PALLD: variants seen among roughly 807,000 people sequenced by gnomAD.
PALLD encodes the protein palladin, cytoskeletal associated protein.
In PALLD, 61 loss-of-function variants were observed where a neutral mutation model predicts 123.5. The ratio of observed to expected loss-of-function variants is 0.49; its 90% CI spans 0.40 to 0.61. The LOEUF is 0.61. Ranked by LOEUF, PALLD falls within the 20% of genes least tolerant of loss-of-function variation. The pLI is 0.00. For missense variants in PALLD, 1,273 were observed against 1,377.0 expected, an observed-to-expected ratio of 0.92 and a Z score of 1.20; for synonymous variants, 465 against 496.4, an observed-to-expected ratio of 0.94 and a Z score of 0.84.
At chr4:168,924,869 A>G in intron 19 of PALLD, 76 bp from the exon 20 acceptor site, 1 of 1,407,560 alleles carries the variant, frequency 7.1e-7, no homozygotes, top group East Asian at 2.3e-5. Flanking sequence ...CTAATGATCT[A>G]ATTAAAAATG....
chr4:168,876,727 T>C (rs1444992145), intron 10 of PALLD, among the ~76,000 whole-genome samples: 1 of 152,204 alleles, frequency 6.6e-6, no homozygotes, highest in Non-Finnish European at 1.5e-5. Context: ...GATAAGAAAG[T>C]TTTGGGGTCT....
At chr4:168,888,162 A>C (rs1753634050) in intron 10 of PALLD, among the ~76,000 whole-genome samples, 1 of 152,212 alleles carries the variant, frequency 6.6e-6, no homozygotes, top group African/African-American at 2.4e-5. Flanking sequence ...TAGAAATTGA[A>C]GTTATAAATA....
chr4:168,877,860 C>A, intron 10 of PALLD: 2 of 1,403,968 alleles, frequency 1.4e-6, no homozygotes, highest in East Asian at 3.2e-5. Flanking sequence ...CCCGAGCTCG[C>A]GGCCTGCACG....
intron 2 of PALLD, chr4:168,537,923 T>C (rs925178280): frequency 3.3e-5 from 5 of 152,236 alleles, no homozygotes; most frequent in Admixed American, 3.3e-4. Flanking sequence ...TATGGCCACA[T>C]TCATGTTTAA....
At chr4:168,679,859 A>T (rs1279384999) in intron 3 of PALLD, among the ~76,000 whole-genome samples, 2 of 152,052 alleles carry the variant, frequency 1.3e-5, no homozygotes, top group Non-Finnish European at 2.9e-5. Context: ...AGGAGATGGG[A>T]AGACAAGAAT....
intron 10 of PALLD, among the ~76,000 whole-genome samples, chr4:168,718,906 T>TG (rs1258934595): frequency 4.4e-5 from 6 of 136,194 alleles, no homozygotes; most frequent in Non-Finnish European, 9.3e-5. Flanking sequence ...GTTGCCAATC[T>TG]AATTTTTTTT....
intron 2 of PALLD, among the ~76,000 whole-genome samples, chr4:168,555,900 G>A (rs772222682): frequency 1.2e-4 from 18 of 152,172 alleles, no homozygotes; most frequent in Non-Finnish European, 2.4e-4. Context: ...TCGATTGCAG[G>A]CTCAGATGCA....
At chr4:168,618,440 C>A (rs75905366) in intron 2 of PALLD, among the ~76,000 whole-genome samples, 1 of 152,080 alleles carries the variant, frequency 6.6e-6, no homozygotes, top group East Asian at 1.9e-4. Context: ...GCTTTGGGCA[C>A]GATCATCTCC....
chr4:168,575,380 G>T (rs1401540521), intron 2 of PALLD, among the ~76,000 whole-genome samples: 2 of 151,948 alleles, frequency 1.3e-5, no homozygotes, highest in Non-Finnish European at 2.9e-5. Flanking sequence ...GAGAGTGTAT[G>T]TAGGAGGATC....
At chr4:168,854,350 A>G (rs1379821289) in intron 10 of PALLD, among the ~76,000 whole-genome samples, 1 of 152,254 alleles carries the variant, frequency 6.6e-6, no homozygotes, top group African/African-American at 2.4e-5. Context: ...TAGGTTTCTT[A>G]GACTGGAATG....
chr4:168,863,386 G>A (rs560569301), intron 10 of PALLD, among the ~76,000 whole-genome samples: 1 of 152,300 alleles, frequency 6.6e-6, no homozygotes, highest in South Asian at 2.1e-4. Context: ...GGAAGAAAAA[G>A]CCCTCTCACT....
At chr4:168,762,844 C>T (rs1733143166) in intron 10 of PALLD, among the ~76,000 whole-genome samples, 1 of 152,182 alleles carries the variant, frequency 6.6e-6, no homozygotes, top group Non-Finnish European at 1.5e-5. Flanking sequence ...ACTATGCAGC[C>T]ATAAGAAAGG....
intron 10 of PALLD, among the ~76,000 whole-genome samples, chr4:168,780,312 C>T (rs183652329): frequency 8.5e-5 from 13 of 152,376 alleles, no homozygotes; most frequent in Admixed American, 8.5e-4. Flanking sequence ...TTCCTACCAA[C>T]CTTTTTTCCC....
rs1352900768 is a variant in PALLD at position 168,709,507 on chromosome 4, CAAGGAAGGAAGGAAGGAAGGAAGG to C, written c.1621+421_1621+444del. Among the ~76,000 whole-genome samples, 14 of 91,564 alleles carry C rather than the reference CAAGGAAGGAAGGAAGGAAGGAAGG, an allele frequency of 1.5e-4. 1 individual carries two copies. Among genetic ancestry groups the C allele is most frequent in the African/African-American group, 4.0e-4 (10 of 24,876 alleles). The allele number at this position is 91,564 out of a possible 152,430, so 60.1% of individuals were successfully genotyped here. A position where few individuals can be genotyped will look rare whatever the true frequency, so the allele number is the denominator to read the frequency against. ...CCTGGGTGACAGAGTCAGACTCCAT[CAAGGAAGGAAGGAAGGAAGGAAGG>C]AAGGAAGGAAGGAAGGAAGGAAGGA... On this transcript the variant is annotated intron_variant, in intron 9 of 21. Coordinates refer to ENST00000505667, the MANE Select transcript of PALLD (RefSeq NM_001166108.2).
At chr4:168,805,868 C>G (rs1740118807) in intron 10 of PALLD, among the ~76,000 whole-genome samples, 1 of 152,162 alleles carries the variant, frequency 6.6e-6, no homozygotes, top group Non-Finnish European at 1.5e-5. Flanking sequence ...GACCTAGTAT[C>G]TAGCACAACT....
chr4:168,668,423 T>G, intron 3 of PALLD, 55 bp downstream of exon 3: 1 of 1,407,856 alleles, frequency 7.1e-7, no homozygotes, highest in Non-Finnish European at 9.7e-7. Context: ...GTCTAATGAC[T>G]CCAGTATCTT....
At chr4:168,759,818 G>T (rs1732568837) in intron 10 of PALLD, among the ~76,000 whole-genome samples, 1 of 152,128 alleles carries the variant, frequency 6.6e-6, no homozygotes, top group South Asian at 2.1e-4. Context: ...ACTTTGGGAG[G>T]TGGAGGCAGT....
intron 10 of PALLD, among the ~76,000 whole-genome samples, chr4:168,751,301 C>A (rs187712289): frequency 3.9e-5 from 6 of 152,118 alleles, no homozygotes; most frequent in Admixed American, 6.6e-5. Flanking sequence ...TGTAAGCCAC[C>A]GTGCCCAGTC....
At chr4:168,890,147 A>G in intron 10 of PALLD, among the ~76,000 whole-genome samples, 1 of 152,172 alleles carries the variant, frequency 6.6e-6, no homozygotes, top group East Asian at 1.9e-4. Flanking sequence ...GTGATTCTGT[A>G]CCCCTCAAGC....
Sources: gnomAD v4.1 joint callset for allele counts (sites outside exome capture counted in the v4.1 genomes callset) on GRCh38, gnomAD v4.1.1 for gene constraint, MANE v1.5 for transcripts, NCBI Gene and HGNC (gene_info 2026-07-23, HGNC 2026-07-21) for gene names.